Variants in VIRMA observed in about 807,000 individuals in gnomAD.
VIRMA encodes the protein protein virilizer homolog.
VIRMA carries 65 observed loss-of-function variants against 182.4 expected under a neutral mutation model. That is an observed-to-expected ratio of 0.36 (90% CI 0.29 to 0.44). VIRMA has a LOEUF of 0.44. VIRMA is among the 20% of genes least tolerant of loss of function. The probability of loss-of-function intolerance (pLI) is 1.00; values close to 1 mark genes in which losing one functional copy is unlikely to be tolerated. For missense variants in VIRMA, 1,752 were observed against 2,158.1 expected (o/e 0.81, Z 3.73); for synonymous variants, 709 against 743.1 (o/e 0.95, Z 0.75).
Position 94,526,911 on chromosome 8 carries a change from G to A in VIRMA, c.1333C>T (p.Leu445Phe). ...TMQALNLQVA[L>F]RQPIALNVRQ... ...ACATTTAAGGCGATAGGTTGGCGAAGCGCTACTTGTAAATTTAAAGCTTGC... is the reference window on the plus strand; with the variant it reads ...ACATTTAAGGCGATAGGTTGGCGAAACGCTACTTGTAAATTTAAAGCTTGC... Residue 445 changes from leucine to phenylalanine, a missense_variant, in exon 8 of 24, where the codon CTT (leucine) becomes TTT (phenylalanine). Around this residue, in one of 11 missense-constraint regions of VIRMA, gnomAD observed 401 missense variants for 455.1 expected, o/e 0.88. Transcript: ENST00000297591. 6.2e-7 allele frequency: 1 copy of A among 1,614,204 alleles called. No individual in the cohort carries two copies. The highest frequency in any genetic ancestry group is 1.7e-5 in the Admixed American group (1 of 60,022).
chr8:94,527,483 C>A (rs1815015542), intron 7 of VIRMA, 120 bp from the exon 8 acceptor site: 1 of 604,900 alleles, frequency 1.7e-6, no homozygotes, highest in African/African-American at 1.9e-5. Flanking sequence ...ACAAAACCAA[C>A]TTCTGCCCCA....
chr8:94,530,841 G>T, intron 6 of VIRMA, 122 bp downstream of exon 6: 2 of 975,538 alleles, frequency 2.1e-6, no homozygotes, highest in South Asian at 2.0e-5. Flanking sequence ...AAGCCCAGGT[G>T]GTCAAGACTG....
rs1814168930 is a variant in VIRMA, at chr8:94,506,863, A to G, written c.3880-146T>C. 3 of 532,562 alleles carry G rather than the reference A, an allele frequency of 5.6e-6. No homozygotes were observed. The South Asian group carries it at 9.5e-5, about 17-fold the overall frequency. The allele number at this position is 532,562 out of a possible 1,614,324, so 33.0% of individuals were successfully genotyped here. On this transcript the variant is annotated intron_variant, in intron 15 of 23. Coordinates refer to ENST00000297591, the MANE Select transcript of VIRMA (RefSeq NM_015496.5). ...TGTCCCATCCCAAACATATAAACAC[A>G]TTAAGAATAATGAAATTACTTTTCC... is the stretch of plus-strand genomic sequence containing the variant.
At position 94,537,622 on chromosome 8, in the gene VIRMA, G is replaced by A. The variant is rs1224021623; in HGVS notation, c.267-471C>T. On this transcript the variant is annotated intron_variant, in intron 3 of 23. Transcript: ENST00000297591. ...TAATTTAATAATAAATAAGAGAGGGGTCAATAACAGAATAAGTGATGTCTA... is the reference window on the plus strand; with the variant it reads ...TAATTTAATAATAAATAAGAGAGGGATCAATAACAGAATAAGTGATGTCTA... Among the ~76,000 whole-genome samples the A allele has an allele frequency of 3.9e-5, 6 of 152,014 alleles. No homozygotes were observed. In the East Asian group the frequency reaches 9.7e-4, roughly 24 times the overall value.
chr8:94,489,520 C>G (rs1169982421), intron 23 of VIRMA, among the ~76,000 whole-genome samples: 3 of 152,120 alleles, frequency 2.0e-5, no homozygotes, highest in Non-Finnish European at 4.4e-5. Flanking sequence ...TTTCTTCCAC[C>G]TCTGCTGCTC....
At chr8:94,522,753 A>G (rs1378967782) in intron 8 of VIRMA, among the ~76,000 whole-genome samples, 2 of 152,240 alleles carry the variant, frequency 1.3e-5, no homozygotes, top group Non-Finnish European at 2.9e-5. Context: ...AGTACTTAAA[A>G]CCCAGTACCT....
intron 1 of VIRMA, among the ~76,000 whole-genome samples, chr8:94,548,637 C>CT (rs766821135): frequency 2.1e-5 from 3 of 145,570 alleles, no homozygotes; most frequent in African/African-American, 8.5e-5. Context: ...ATATAGTGTG[C>CT]TTTTTTATAT....
intron 2 of VIRMA, among the ~76,000 whole-genome samples, chr8:94,540,671 A>G (rs1815518671): frequency 6.6e-6 from 1 of 151,826 alleles, no homozygotes; most frequent in South Asian, 2.1e-4. Context: ...TATGTTGGCC[A>G]GGCTGGTCTC....
chr8:94,545,482 T>C (rs1486919285), intron 1 of VIRMA, among the ~76,000 whole-genome samples: 1 of 152,222 alleles, frequency 6.6e-6, no homozygotes, highest in East Asian at 1.9e-4. Context: ...GTTTCTGTAT[T>C]TGCTGCTACC....
At chr8:94,508,078 C>T (rs1423259496) in intron 15 of VIRMA, among the ~76,000 whole-genome samples, 2 of 151,912 alleles carry the variant, frequency 1.3e-5, no homozygotes, top group Non-Finnish European at 2.9e-5. Context: ...ACTCCTGCTA[C>T]TCTTTATAGA....
At chr8:94,504,350 C>T (rs1014369029) in intron 16 of VIRMA, among the ~76,000 whole-genome samples, 3 of 152,046 alleles carry the variant, frequency 2.0e-5, no homozygotes, top group Non-Finnish European at 2.9e-5. Context: ...ACTCTGAGGG[C>T]TCTCACTGTG....
chr8:94,511,107 T>C, intron 13 of VIRMA, 78 bp downstream of exon 13: 2 of 1,531,154 alleles, frequency 1.3e-6, no homozygotes, highest in South Asian at 1.3e-5. Flanking sequence ...AGGGTTTTTG[T>C]TTTTTAACAA....
Position 94,511,262 on chromosome 8 carries a change from C to A in VIRMA, c.3313G>T (p.Val1105Phe). The A allele has an allele frequency of 1.2e-6, 2 of 1,614,028 alleles. No individual in the cohort carries two copies. Among genetic ancestry groups the A allele is most frequent in the Non-Finnish European group, 1.7e-6 (2 of 1,179,980 alleles). The change falls in exon 13 of 24, where the codon GTT becomes TTT. Residue 1105 changes from valine (V) to phenylalanine (F), a missense_variant. Transcript: ENST00000297591. ...LKEVLSSILK[V>F]PEGFFSGLIL... ...AGTCCAGAAAAAAATCCTTCAGGAA[C>A]CTTCAAGATTGAAGAAAGAACTTCT...
chr8:94,506,307 T>G lies in VIRMA; in HGVS notation c.4097+193A>C, dbSNP rs149091608. ...TGTGTATCTATTCATTTTATATCTT[T>G]AATCCAAAAGATTCTATTATTAGCA... On this transcript the variant is annotated intron_variant, in intron 16 of 23. Transcript: ENST00000297591. Among the ~76,000 whole-genome samples the G allele has an allele frequency of 1.2e-3, 187 of 152,350 alleles. 1 individual carries two copies. Among genetic ancestry groups the G allele is most frequent in the African/African-American group, 4.3e-3 (178 of 41,590 alleles).
intron 16 of VIRMA, among the ~76,000 whole-genome samples, chr8:94,505,168 C>T (rs939920843): frequency 2.0e-5 from 3 of 152,072 alleles, no homozygotes; most frequent in Admixed American, 6.6e-5. Context: ...GTGCCATCAA[C>T]TGAGAGCGAA....
intron 23 of VIRMA, among the ~76,000 whole-genome samples, chr8:94,489,528 C>G (rs981577067): frequency 2.6e-5 from 4 of 152,138 alleles, no homozygotes; most frequent in Non-Finnish European, 4.4e-5. Flanking sequence ...ACCTCTGCTG[C>G]TCCTAAGAAA....
chr8:94,506,794 G>T (rs1313978655), intron 15 of VIRMA, 77 bp from the exon 16 acceptor site: 1 of 805,078 alleles, frequency 1.2e-6, no homozygotes, highest in Non-Finnish European at 2.0e-6. Context: ...GAAATACATA[G>T]CAATTAATAT....
chr8:94,504,263 G>A (rs1236811259), intron 16 of VIRMA, among the ~76,000 whole-genome samples: 1 of 151,148 alleles, frequency 6.6e-6, no homozygotes, highest in African/African-American at 2.4e-5. Context: ...AAGCCTAAAG[G>A]CCCTTGATGA....
chr8:94,499,740 A>G (rs1482691921), intron 16 of VIRMA, among the ~76,000 whole-genome samples: 1 of 152,066 alleles, frequency 6.6e-6, no homozygotes, highest in Non-Finnish European at 1.5e-5. Context: ...CCAAATAATC[A>G]TTTTATAAAA....
Sources: gnomAD v4.1 joint callset for allele counts (sites outside exome capture counted in the v4.1 genomes callset) on GRCh38, gnomAD v4.1.1 for gene constraint, gnomAD v4.1.1 regional missense constraint, MANE v1.5 for transcripts, NCBI Gene and HGNC (gene_info 2026-07-23, HGNC 2026-07-21) for gene names.